Variants in NAV1 observed in about 807,000 individuals in gnomAD.
NAV1 encodes the protein pore membrane and/or filament interacting like protein 3.
In NAV1, 18 loss-of-function variants were observed where a neutral mutation model predicts 175.2. The observed-to-expected ratio is 0.10, with a 90% CI of 0.07 to 0.15. NAV1 has a LOEUF of 0.15. NAV1 is among the 10% of genes least tolerant of loss of function. The pLI, the probability that NAV1 is intolerant of heterozygous loss-of-function variation, is 1.00. For missense variants in NAV1, 1,731 were observed against 2,436.6 expected (o/e 0.71, Z 6.10); for synonymous variants, 897 against 978.7 (o/e 0.92, Z 1.56).
rs114016847 is a variant in NAV1, at chr1:201,678,987, G to A, written c.757+29562G>A. ...GGAGGCTCCCGTGGAGACAAAGGTC[G>A]GGGAGCCCAGAAGGGAGGAGGTGGT... On this transcript the variant is annotated intron_variant, in intron 1 of 29. Coordinates refer to ENST00000367296, the Ensembl canonical transcript of NAV1. 5.7e-3 allele frequency among the ~76,000 whole-genome samples: 864 copies of A among 152,232 alleles called. 9 individuals are homozygous for A. Among genetic ancestry groups the A allele is most frequent in the African/African-American group, 0.02 (844 of 41,538 alleles).
intron 1 of NAV1, among the ~76,000 whole-genome samples, chr1:201,584,891 C>T (rs4145538): frequency 0.11 from 17,213 of 152,248 alleles, 1,074 homozygotes; most frequent in Admixed American, 0.14. Flanking sequence ...GGCAGGCAGC[C>T]CAAGTCCTGG....
intron 15 of NAV1, among the ~76,000 whole-genome samples, chr1:201,800,784 A>G (rs1677804425): frequency 6.6e-6 from 1 of 151,862 alleles, no homozygotes. Flanking sequence ...TTTTACACAA[A>G]TAAAGATTTT....
At chr1:201,542,656 A>T (rs1034509788) in intron 1 of NAV1, among the ~76,000 whole-genome samples, 1 of 152,098 alleles carries the variant, frequency 6.6e-6, no homozygotes, top group Non-Finnish European at 1.5e-5. Context: ...GGCCACTCTG[A>T]CCTGCCTGTG....
intron 2 of NAV1, among the ~76,000 whole-genome samples, chr1:201,612,223 A>AG (rs1244489208): frequency 6.6e-6 from 1 of 152,078 alleles, no homozygotes; most frequent in Admixed American, 6.5e-5. Flanking sequence ...AGGCTGAGGC[A>AG]GGAGGATTGC....
At chr1:201,553,085 C>T (rs879894465) in intron 1 of NAV1, among the ~76,000 whole-genome samples, 8 of 152,170 alleles carry the variant, frequency 5.3e-5, no homozygotes, top group Non-Finnish European at 1.0e-4. Context: ...AAATAGCACC[C>T]GCTTGGCTCT....
intron 3 of NAV1, among the ~76,000 whole-genome samples, chr1:201,752,649 A>G (rs949104416): frequency 3.3e-5 from 5 of 152,084 alleles, no homozygotes; most frequent in African/African-American, 1.2e-4. Flanking sequence ...ATGTAAAGAA[A>G]GACTTAGGCT....
chr1:201,671,455 T>C (rs1293888313), intron 1 of NAV1, among the ~76,000 whole-genome samples: 2 of 152,170 alleles, frequency 1.3e-5, no homozygotes, highest in African/African-American at 4.8e-5. Context: ...TGGAACTTTG[T>C]TGGACCAACA....
At chr1:201,755,321 G>A (rs1044172270) in intron 3 of NAV1, among the ~76,000 whole-genome samples, 2 of 152,216 alleles carry the variant, frequency 1.3e-5, no homozygotes, top group Admixed American at 1.3e-4. Flanking sequence ...CAGGCCTGTG[G>A]TCCCAGTTAC....
chr1:201,793,205 G>T (rs1472787210), intron 13 of NAV1: 2 of 152,836 alleles, frequency 1.3e-5, no homozygotes, highest in African/African-American at 4.8e-5. Context: ...TCATGAAACA[G>T]ACCTGACACC....
intron 3 of NAV1, among the ~76,000 whole-genome samples, chr1:201,731,412 A>G: frequency 6.6e-6 from 1 of 152,048 alleles, no homozygotes; most frequent in Non-Finnish European, 1.5e-5. Context: ...CCCTCCAGAG[A>G]AACAAGAGTG....
chr1:201,720,367 G>C (rs1252122917), intron 3 of NAV1, among the ~76,000 whole-genome samples: 1 of 152,194 alleles, frequency 6.6e-6, no homozygotes, highest in Non-Finnish European at 1.5e-5. Context: ...GGAGCTTCCA[G>C]ACAGGGGAAG....
chr1:201,790,988 T>C (rs2102743746), intron 13 of NAV1: 1 of 549,190 alleles, frequency 1.8e-6, no homozygotes, highest in Non-Finnish European at 3.3e-6. Flanking sequence ...CTCTAATTAA[T>C]AGGTATGGAT....
intron 3 of NAV1, among the ~76,000 whole-genome samples, chr1:201,738,350 C>T (rs1361081196): frequency 6.6e-6 from 1 of 152,040 alleles, no homozygotes; most frequent in East Asian, 1.9e-4. Context: ...ACCCTTCCTC[C>T]AACTTAAACT....
At chr1:201,577,325 T>C (rs1271963888) in intron 1 of NAV1, among the ~76,000 whole-genome samples, 1 of 152,240 alleles carries the variant, frequency 6.6e-6, no homozygotes, top group Non-Finnish European at 1.5e-5. Flanking sequence ...ATTTTTCCTT[T>C]TATGGATTGT....
At chr1:201,623,832 T>C (rs1668246039) in intron 1 of NAV1, among the ~76,000 whole-genome samples, 1 of 152,206 alleles carries the variant, frequency 6.6e-6, no homozygotes, top group South Asian at 2.1e-4. Flanking sequence ...GCTCTGATCT[T>C]TCTCGACTGT....
At chr1:201,573,940 C>G (rs967711000) in intron 1 of NAV1, among the ~76,000 whole-genome samples, 1 of 152,030 alleles carries the variant, frequency 6.6e-6, no homozygotes, top group Non-Finnish European at 1.5e-5. Flanking sequence ...CCTGTAGTCC[C>G]AGCTACTTGG....
chr1:201,658,863 G>C (rs763669054), intron 1 of NAV1, among the ~76,000 whole-genome samples: 25 of 152,350 alleles, frequency 1.6e-4, no homozygotes, highest in Non-Finnish European at 1.6e-4. Context: ...GACTCCTTCA[G>C]CCTCCATGCC....
At chr1:201,691,322 G>T (rs1330911588) in intron 1 of NAV1, among the ~76,000 whole-genome samples, 4 of 152,224 alleles carry the variant, frequency 2.6e-5, no homozygotes, top group Non-Finnish European at 4.4e-5. Flanking sequence ...CTCAGCGGAA[G>T]GTGTGGTCAT....
intron 3 of NAV1, among the ~76,000 whole-genome samples, chr1:201,764,483 G>A (rs550716214): frequency 2.0e-5 from 3 of 152,264 alleles, no homozygotes; most frequent in South Asian, 4.1e-4. Flanking sequence ...ATAAGGACAC[G>A]AGTCCTATCA....
Sources: allele counts gnomAD v4.1 joint callset (sites outside exome capture counted in the v4.1 genomes callset), GRCh38; gene constraint gnomAD v4.1.1; transcripts MANE v1.5; gene names NCBI Gene and HGNC (gene_info 2026-07-23, HGNC 2026-07-21).